Variants in NOMO3 observed in about 807,000 individuals in gnomAD.
NOMO3 encodes NODAL modulator 3, also known as BOS complex subunit NOMO3.
NOMO3 carries 15 observed loss-of-function variants against 69.9 expected under a neutral mutation model. The observed-to-expected ratio is 0.21, with a 90% CI of 0.14 to 0.33. The LOEUF (loss-of-function observed/expected upper bound fraction) is 0.33, where lower values mean the gene tolerates loss of function less well. Among genes scored for constraint, NOMO3 ranks in the 10% least tolerant of loss-of-function variants. NOMO3 has a pLI of 1.00. For missense variants in NOMO3, 218 were observed against 761.0 expected (o/e 0.29, Z 8.39); for synonymous variants, 89 against 301.9 (o/e 0.29, Z 7.31).
At chr16:16,238,881 C>T (rs1262150562) in intron 2 of NOMO3, among the ~76,000 whole-genome samples, 1 of 130,718 alleles carries the variant, frequency 7.7e-6, no homozygotes, top group Non-Finnish European at 1.6e-5. Context: ...AGTGTGAGAC[C>T]AGCCTGGGCA....
Position 16,258,421 on chromosome 16 carries a change from G to A in NOMO3, c.1220+2263G>A, listed in dbSNP as rs890112126. On this transcript the variant is annotated intron_variant, in intron 11 of 30. Transcript: ENST00000399336. ...AAAGATCTTCCCTAGTAGAGAAGCAGCATGCTCAGAGGCCTGCATAGGATA... is the reference window on the plus strand; with the variant it reads ...AAAGATCTTCCCTAGTAGAGAAGCAACATGCTCAGAGGCCTGCATAGGATA... Among the ~76,000 whole-genome samples the A allele has an allele frequency of 7.3e-5, 10 of 136,758 alleles. No individual in the cohort carries two copies. The East Asian group carries it at 1.0e-3, about 14-fold the overall frequency. 89.7% of individuals were successfully genotyped at this position (136,758 alleles called of 152,430 possible).
chr16:16,265,670 ATTTTTTT>A (rs59243746), intron 15 of NOMO3, among the ~76,000 whole-genome samples: 83 of 16,646 alleles, frequency 5.0e-3, no homozygotes, highest in African/African-American at 7.7e-3. Context: ...ATATATATAT[ATTTTTTT>A]TTTTTTTTTT....
chr16:16,259,264 C>T lies in NOMO3; in HGVS notation c.1221-2238C>T, dbSNP rs1342434220. Among the ~76,000 whole-genome samples, 2 of 144,780 alleles carry T rather than the reference C, an allele frequency of 1.4e-5. 1 individual carries two copies. Among genetic ancestry groups the T allele is most frequent in the African/African-American group, 5.6e-5 (2 of 35,692 alleles). 95.0% of individuals were successfully genotyped at this position (144,780 alleles called of 152,430 possible). On this transcript the variant is annotated intron_variant, in intron 11 of 30. Transcript: ENST00000399336. ...AGAAAGAAAAATAGCATTTGTTGAACATTTTTGGAAAAATCTCTTTTTTTT... is the reference window on the plus strand; with the variant it reads ...AGAAAGAAAAATAGCATTTGTTGAATATTTTTGGAAAAATCTCTTTTTTTT...
chr16:16,265,637 G>GATATATAT (rs1160088009), intron 15 of NOMO3, among the ~76,000 whole-genome samples: 193 of 42,308 alleles, frequency 4.6e-3, no homozygotes, highest in African/African-American at 5.3e-3. Flanking sequence ...GAGTTTCTCT[G>GATATATAT]ATATATATAT....
At chr16:16,239,149 A>G (rs2049354852) in intron 2 of NOMO3, among the ~76,000 whole-genome samples, 1 of 143,728 alleles carries the variant, frequency 7.0e-6, no homozygotes, top group African/African-American at 2.8e-5. Context: ...TATTGAATTA[A>G]TGAGTTAACG....
intron 2 of NOMO3, among the ~76,000 whole-genome samples, chr16:16,237,959 C>T (rs2049342361): frequency 6.9e-6 from 1 of 144,312 alleles, no homozygotes; most frequent in Non-Finnish European, 1.5e-5. Context: ...CACAAGCACA[C>T]ATGCACATCG....
At chr16:16,268,333 T>G (rs1161804709) in intron 16 of NOMO3, among the ~76,000 whole-genome samples, 1 of 146,340 alleles carries the variant, frequency 6.8e-6, no homozygotes, top group Non-Finnish European at 1.5e-5. Flanking sequence ...CCACAGAGGC[T>G]GTGTCATTTG....
At chr16:16,235,860 T>C (rs1420191663) in intron 1 of NOMO3, 3 of 443,460 alleles carry the variant, frequency 6.8e-6, no homozygotes, top group Non-Finnish European at 1.3e-5. Context: ...TTAATATGCA[T>C]TGATGTGAAT....
chr16:16,233,491 T>A (rs1221246665), intron 1 of NOMO3, among the ~76,000 whole-genome samples: 1 of 103,830 alleles, frequency 9.6e-6, no homozygotes, highest in Non-Finnish European at 2.1e-5. Context: ...CCCTAGAGAT[T>A]TGTGCTGAAG....
chr16:16,285,941 C>CT (rs1370069056), intron 28 of NOMO3, among the ~76,000 whole-genome samples: 58 of 2,604 alleles, frequency 0.022, 27 homozygotes, highest in Non-Finnish European at 0.062. Context: ...TCAAATCTTT[C>CT]TTTTTTTTTT....
At chr16:16,240,656 T>C in intron 3 of NOMO3, among the ~76,000 whole-genome samples, 1 of 144,298 alleles carries the variant, frequency 6.9e-6, no homozygotes, top group Admixed American at 6.7e-5. Flanking sequence ...GTTTACATTT[T>C]TGAAGAGGAG....
At chr16:16,252,252 C>A in intron 8 of NOMO3, 152 bp downstream of exon 8, 3 of 1,529,354 alleles carry the variant, frequency 2.0e-6, no homozygotes, top group Non-Finnish European at 2.7e-6. Context: ...GAGACACTCA[C>A]CCCTTCGTAA....
chr16:16,246,156 AC>A (rs2049414557), intron 5 of NOMO3, among the ~76,000 whole-genome samples: 1 of 122,276 alleles, frequency 8.2e-6, no homozygotes, highest in South Asian at 2.8e-4. Flanking sequence ...GTAAATGTTA[AC>A]AGATATGCCA....
intron 2 of NOMO3, among the ~76,000 whole-genome samples, chr16:16,237,835 C>T (rs2049340511): frequency 6.9e-6 from 1 of 144,424 alleles, no homozygotes. Flanking sequence ...CAGGTGTGAG[C>T]CGATGTTTCC....
chr16:16,270,111 C>G lies in NOMO3; in HGVS notation c.1895-10C>G. ...TTCTCTGAAAATTACTTTTGATTTC[C>G]TGTCTGTAGGTGTGTACAAAGTGAC... On this transcript the variant is annotated splice_polypyrimidine_tract_variant and intron_variant, in intron 16 of 30. Coordinates refer to ENST00000399336, the MANE Select transcript of NOMO3 (RefSeq NM_001004067.4). The G allele has an allele frequency of 6.5e-7, 1 of 1,544,220 alleles. No homozygotes were observed. The highest frequency in any genetic ancestry group is 2.6e-5 in the East Asian group (1 of 37,740).
At chr16:16,249,932 T>C (rs1270944119) in intron 6 of NOMO3, among the ~76,000 whole-genome samples, 6 of 141,418 alleles carry the variant, frequency 4.2e-5, no homozygotes, top group Admixed American at 3.5e-4. Flanking sequence ...AATATACACA[T>C]ATTGTGAAAA....
rs200067201 is a variant in NOMO3, at chr16:16,263,645, G to A, written c.1669+1G>A. 17,593 of 612,776 alleles carry A rather than the reference G, an allele frequency of 0.029. 821 individuals are homozygous for A. The highest frequency in any genetic ancestry group is 0.054 in the African/African-American group (1,566 of 28,968). The allele number at this position is 612,776 out of a possible 1,614,324, so 38.0% of individuals were successfully genotyped here. On this transcript the variant is annotated splice_donor_variant, in intron 14 of 30. Coordinates refer to ENST00000399336, the MANE Select transcript of NOMO3 (RefSeq NM_001004067.4). LOFTEE classifies it high-confidence loss of function. ...AACGTGCTCCCTGGAAAATACAAAA[G>A]TAAGAATTGGAATGCAACATCCTGT...
intron 9 of NOMO3, among the ~76,000 whole-genome samples, chr16:16,255,312 C>T (rs1374443553): frequency 1.4e-5 from 2 of 140,798 alleles, no homozygotes; most frequent in Non-Finnish European, 3.0e-5. Context: ...CTGATCGATG[C>T]TGGAGGAGCG....
At chr16:16,235,980 T>C (rs2049323592) in intron 1 of NOMO3, 1 of 333,932 alleles carries the variant, frequency 3.0e-6, no homozygotes, top group Admixed American at 3.6e-5. Flanking sequence ...CATTTGGGCA[T>C]CTTACTGGGT....
Sources: allele counts gnomAD v4.1 joint callset (sites outside exome capture counted in the v4.1 genomes callset), GRCh38; gene constraint gnomAD v4.1.1; transcripts MANE v1.5; gene names NCBI Gene and HGNC (gene_info 2026-07-23, HGNC 2026-07-21).